INTS10: variants seen among roughly 807,000 people sequenced by gnomAD.
INTS10 encodes integrator complex subunit 10, also known as chromosome 8 open reading frame 35.
In INTS10, 44 loss-of-function variants were observed where a neutral mutation model predicts 94.4. The ratio of observed to expected loss-of-function variants is 0.47; its 90% CI spans 0.37 to 0.60. INTS10 has a LOEUF of 0.60. Among genes scored for constraint, INTS10 ranks in the 20% least tolerant of loss-of-function variants. The probability of loss-of-function intolerance (pLI) is 0.00; values close to 1 mark genes in which losing one functional copy is unlikely to be tolerated. For synonymous variants in INTS10, 341 were observed against 320.7 expected (o/e 1.06, Z -0.68); for missense variants, 797 against 868.7 (o/e 0.92, Z 1.04).
In INTS10 at chr8:19,817,431, C is replaced by A. The variant is rs1172226741; in HGVS notation, c.-107C>A. On this transcript the variant is annotated 5_prime_UTR_variant, in exon 1 of 17. Transcript: ENST00000397977. Reference sequence around the variant, plus strand: ...GTGCGCCTCCAGACATGCGCAGTAGCCTCCCCCGCGGTGGCGGCGGCGGCG... The same window carrying A: ...GTGCGCCTCCAGACATGCGCAGTAGACTCCCCCGCGGTGGCGGCGGCGGCG... 2 of 1,463,488 alleles carry A rather than the reference C, an allele frequency of 1.4e-6. No homozygotes were observed. The highest frequency in any genetic ancestry group is 2.4e-5 in the East Asian group (1 of 40,936). The allele number at this position is 1,463,488 out of a possible 1,614,324, so 90.7% of individuals were successfully genotyped here.
chr8:19,837,207 A>G (rs758244247), intron 13 of INTS10, 47 bp downstream of exon 13: 13 of 1,250,618 alleles, frequency 1.0e-5, no homozygotes, highest in East Asian at 2.3e-5. Context: ...AGCTTTAGAA[A>G]GCCAGGCACG....
chr8:19,831,181 A>C (rs747950952), intron 10 of INTS10, among the ~76,000 whole-genome samples: 1 of 152,164 alleles, frequency 6.6e-6, no homozygotes, highest in Non-Finnish European at 1.5e-5. Flanking sequence ...CCCTGGCTGC[A>C]GTCATGTGTC....
chr8:19,817,921 C>T (rs530255981), intron 1 of INTS10, among the ~76,000 whole-genome samples: 180 of 152,196 alleles, frequency 1.2e-3, no homozygotes, highest in African/African-American at 4.3e-3. Flanking sequence ...CGCTTGAGGT[C>T]GGGTGTGCTT....
Position 19,823,304 on chromosome 8 carries a change from G to C in INTS10, c.527G>C (p.Cys176Ser). Residue 176 changes from cysteine (C) to serine (S), a missense_variant, in exon 6 of 17, where the codon TGT becomes TCT. Physicochemically the swap from Cys to Ser is moderately radical, Grantham distance 112 (BLOSUM62 -1). Coordinates refer to ENST00000397977, the MANE Select transcript of INTS10 (RefSeq NM_018142.4). Reference sequence around the variant, plus strand: ...TCTTCTTTTTCTCCTCCAACAGTTTGTGATGTCCTTCCTCTAATAATTAAC... The same window carrying C: ...TCTTCTTTTTCTCCTCCAACAGTTTCTGATGTCCTTCCTCTAATAATTAAC... Reference protein sequence around the residue: ...PVNCFRKLFVCDVLPLIINNH... With the variant: ...PVNCFRKLFVSDVLPLIINNH... The C allele has an allele frequency of 6.2e-7, 1 of 1,606,464 alleles. No individual in the cohort carries two copies. The highest frequency in any genetic ancestry group is 1.1e-5 in the South Asian group (1 of 90,820).
chr8:19,817,717 C>T, intron 1 of INTS10, 51 bp downstream of exon 1: 3 of 1,563,780 alleles, frequency 1.9e-6, no homozygotes, highest in Non-Finnish European at 2.6e-6. Flanking sequence ...TGCGCGCTCC[C>T]GTCGCCCGGG....
intron 16 of INTS10, among the ~76,000 whole-genome samples, chr8:19,847,935 C>A (rs991039285): frequency 6.6e-6 from 1 of 152,168 alleles, no homozygotes; most frequent in African/African-American, 2.4e-5. Flanking sequence ...TTCTAACTTT[C>A]TATAGAAGAC....
chr8:19,817,804 C>A, intron 1 of INTS10, 138 bp downstream of exon 1: 2 of 1,099,284 alleles, frequency 1.8e-6, no homozygotes, highest in South Asian at 3.1e-5. Context: ...CCTCCCACCC[C>A]CTCCTCTCTC....
chr8:19,845,875 A>G (rs2068539464), intron 16 of INTS10, 78 bp downstream of exon 16: 10 of 932,254 alleles, frequency 1.1e-5, no homozygotes, highest in East Asian at 2.5e-5. Context: ...GTAAATGTCT[A>G]TACCTATCAA....
At chr8:19,822,602 A>G (rs181529719) in intron 5 of INTS10, 82 bp downstream of exon 5, 6 of 835,076 alleles carry the variant, frequency 7.2e-6, no homozygotes, top group Admixed American at 7.0e-5. Context: ...AAGCTCATAT[A>G]TGAAAGGCAA....
intron 13 of INTS10, among the ~76,000 whole-genome samples, chr8:19,837,853 C>T (rs2067787263): frequency 6.6e-6 from 1 of 151,582 alleles, no homozygotes; most frequent in Non-Finnish European, 1.5e-5. Flanking sequence ...TGATAACCCC[C>T]TAACAAGATC....
chr8:19,834,475 A>T (rs2067493527), intron 12 of INTS10, among the ~76,000 whole-genome samples: 1 of 152,188 alleles, frequency 6.6e-6, no homozygotes, highest in Non-Finnish European at 1.5e-5. Context: ...AAGAACTTAA[A>T]AGGCAGCACG....
At position 19,826,435 on chromosome 8, in the gene INTS10, C is replaced by T; in HGVS notation, c.1016C>T (p.Ala339Val). 3 of 1,609,952 alleles carry T rather than the reference C, an allele frequency of 1.9e-6. No homozygotes were observed. Among genetic ancestry groups the T allele is most frequent in the Non-Finnish European group, 2.5e-6 (3 of 1,178,838 alleles). ...TTTTCCCCGTCCTTAGGTCCTAATG[C>T]CCCGAGCCAAGTTCCACTGGTTCTT... ...IQPSLFQGPN[A>V]PSQVPLVLLE... is the part of the protein sequence containing the mutation. The change falls in exon 9 of 17, where the codon GCC (alanine) becomes GTC (valine). Residue 339 changes from alanine (A) to valine (V), a missense_variant. By Grantham distance (64) the Ala-to-Val change is moderately conservative. Coordinates refer to ENST00000397977, the MANE Select transcript of INTS10 (RefSeq NM_018142.4).
chr8:19,819,650 A>G lies in INTS10; in HGVS notation c.275A>G (p.Gln92Arg), dbSNP rs1231834620. 2 of 1,613,324 alleles carry G rather than the reference A, an allele frequency of 1.2e-6. No homozygotes were observed. The highest frequency in any genetic ancestry group is 1.7e-6 in the Non-Finnish European group (2 of 1,179,450). The change falls in exon 3 of 17, where the codon CAG becomes CGG. Residue 92 changes from glutamine to arginine, a missense_variant. Coordinates refer to ENST00000397977, the MANE Select transcript of INTS10 (RefSeq NM_018142.4). The stretch of plus-strand genomic sequence containing the variant: ...ACATCAGCATTAAGGAACGATTCAC[A>G]GGACAAACAAACCCAATTTTTAAGA... ...IITSALRNDS[Q>R]DKQTQFLRSL... is the part of the protein sequence containing the mutation.
rs1318105240 is a variant in INTS10 at position 19,823,927 on chromosome 8, A to G, written c.719A>G (p.Tyr240Cys). 6.2e-6 allele frequency: 10 copies of G among 1,613,748 alleles called. No homozygotes were observed. The highest frequency in any genetic ancestry group is 8.5e-6 in the Non-Finnish European group (10 of 1,179,914). Residue 240 changes from tyrosine to cysteine, a missense_variant, in exon 7 of 17, where the codon TAC (tyrosine) becomes TGC (cysteine). Physicochemically the swap from Tyr to Cys is radical, Grantham distance 194 (BLOSUM62 -2). Coordinates refer to ENST00000397977, the MANE Select transcript of INTS10 (RefSeq NM_018142.4). ...MSPSKRSSQK[Y>C]IIEGLTEKSS... is the part of the protein sequence containing the mutation. ...CCTAGCAAACGTAGCTCTCAGAAGT[A>G]CATAATAGAAGGGCTGACGGAAAAA...
intron 11 of INTS10, 93 bp from the exon 12 acceptor site, chr8:19,833,076 G>C (rs1231008505): frequency 1.8e-6 from 2 of 1,092,730 alleles, no homozygotes; most frequent in Non-Finnish European, 1.3e-6. Context: ...ATAGTTGCTT[G>C]CTCGTTGCTT....
rs534613323 is a variant in INTS10 at position 19,847,273 on chromosome 8, C to T, written c.1976+1476C>T. ...TTTAAAAATACACGAGACCTTTCTG[C>T]ATTGGTTTGCTTAAGCAGGATGGAC... is the stretch of plus-strand genomic sequence containing the variant. On this transcript the variant is annotated intron_variant, in intron 16 of 16. Coordinates refer to ENST00000397977, the MANE Select transcript of INTS10 (RefSeq NM_018142.4). Among the ~76,000 whole-genome samples, 3 of 152,272 alleles carry T rather than the reference C, an allele frequency of 2.0e-5. No individual in the cohort carries two copies. In the South Asian group the frequency reaches 6.2e-4, roughly 32 times the overall value.
chr8:19,842,434 T>C (rs1330333040), intron 13 of INTS10, among the ~76,000 whole-genome samples: 2 of 152,196 alleles, frequency 1.3e-5, no homozygotes, highest in Non-Finnish European at 2.9e-5. Context: ...TGGCGACCTC[T>C]GCGATGGAAG....
chr8:19,824,913 T>C lies in INTS10; in HGVS notation c.947T>C (p.Leu316Pro). ...YKNQVVYSTM[L>P]VFFKNAFQYV... ...AACCAAGTGGTGTATTCCACCATGC[T>C]GGTCTTCTTTAAGAATGCATTCCAG... Residue 316 changes from leucine (L) to proline (P), a missense_variant, in exon 8 of 17, where the codon CTG (leucine) becomes CCG (proline). Physicochemically the swap from Leu to Pro is moderately conservative, Grantham distance 98 (BLOSUM62 -3). Around this residue, in one of 3 missense-constraint regions of INTS10, gnomAD observed 734 missense variants for 787.8 expected, o/e 0.93. Transcript: ENST00000397977. 1 of 1,613,836 alleles carries C rather than the reference T, an allele frequency of 6.2e-7. No homozygotes were observed. Among genetic ancestry groups the C allele is most frequent in the South Asian group, 1.1e-5 (1 of 91,040 alleles).
rs751720146 is a variant in INTS10, at chr8:19,820,455, A to G, written c.378A>G (p.Leu126=). 4 of 1,613,520 alleles carry G rather than the reference A, an allele frequency of 2.5e-6. No individual in the cohort carries two copies. Among genetic ancestry groups the G allele is most frequent in the Non-Finnish European group, 3.4e-6 (4 of 1,179,488 alleles). ...LKVTEQCFNT[L]ERSEMLLLLL... ...TCACGGAACAATGCTTCAACACGTT[A>G]GAACGATCAGAAATGTTGCTTCTAC... The change falls in exon 4 of 17, where the codon TTA becomes TTG. Residue 126 remains leucine (L), a synonymous_variant. Coordinates refer to ENST00000397977, the MANE Select transcript of INTS10 (RefSeq NM_018142.4).
Sources: allele counts gnomAD v4.1 joint callset (sites outside exome capture counted in the v4.1 genomes callset), GRCh38; gene constraint gnomAD v4.1.1; regional missense constraint gnomAD v4.1.1; transcripts MANE v1.5; gene names NCBI Gene and HGNC (gene_info 2026-07-23, HGNC 2026-07-21).